CEP164: variants seen among roughly 807,000 people sequenced by gnomAD.
CEP164 encodes centrosomal protein of 164 kDa.
In CEP164, 162 loss-of-function variants were observed where a neutral mutation model predicts 182.7. That is an observed-to-expected ratio of 0.89 (90% CI 0.78 to 1.01). The LOEUF is 1.01. Among genes scored for constraint, CEP164 ranks in the 50% least tolerant of loss-of-function variants. The probability of loss-of-function intolerance (pLI) is 0.00; values close to 1 mark genes in which losing one functional copy is unlikely to be tolerated. For missense variants in CEP164, 1,735 were observed against 1,790.4 expected, an observed-to-expected ratio of 0.97 and a Z score of 0.56; for synonymous variants, 661 against 690.0, an observed-to-expected ratio of 0.96 and a Z score of 0.66.
chr11:117,346,556 CTATT>C (rs1182876366), intron 4 of CEP164, among the ~76,000 whole-genome samples: 3 of 151,266 alleles, frequency 2.0e-5, no homozygotes, highest in African/African-American at 7.3e-5. Flanking sequence ...CACGCCCGGC[CTATT>C]TTTCACTTTT....
Position 117,391,227 on chromosome 11 carries a change from A to C in CEP164, c.2283+12A>C. 1 of 1,597,630 alleles carries C rather than the reference A, an allele frequency of 6.3e-7. No individual in the cohort carries two copies. The highest frequency in any genetic ancestry group is 1.3e-5 in the African/African-American group (1 of 74,600). On this transcript the variant is annotated intron_variant, in intron 17 of 32. Coordinates refer to ENST00000278935, the MANE Select transcript of CEP164 (RefSeq NM_014956.5). ...GGGAGAGGAAAGAAGTGAGCTAGTC[A>C]AGTGGGGACCTCACCCTCTGACCTG...
chr11:117,361,948 G>A lies in CEP164; in HGVS notation c.507G>A (p.Leu169=), dbSNP rs777899286. 6.2e-7 allele frequency: 1 copy of A among 1,604,880 alleles called. No individual in the cohort carries two copies. The highest frequency in any genetic ancestry group is 8.5e-7 in the Non-Finnish European group (1 of 1,177,242). ...SALRGSQSVS[L]GSSVESGRQL... is the part of the protein sequence containing the mutation. ...TTCGTGGATCTCAAAGCGTGAGCCTGGGGAGCTCAGTGGAGTCTGGACGTC... is the reference window on the plus strand; with the variant it reads ...TTCGTGGATCTCAAAGCGTGAGCCTAGGGAGCTCAGTGGAGTCTGGACGTC... The change falls in exon 6 of 33, where the codon CTG becomes CTA. Residue 169 remains leucine (L), a synonymous_variant. Coordinates refer to ENST00000278935, the MANE Select transcript of CEP164 (RefSeq NM_014956.5).
intron 11 of CEP164, among the ~76,000 whole-genome samples, chr11:117,376,150 C>T (rs2042716135): frequency 6.6e-6 from 1 of 152,190 alleles, no homozygotes; most frequent in Admixed American, 6.5e-5. Flanking sequence ...TGCTCACCAG[C>T]TGGATCTGCT....
rs1436343987 is a variant in CEP164 at position 117,338,652 on chromosome 11, C to T, written c.66C>T (p.Tyr22=). The change falls in exon 3 of 33, where the codon TAC becomes TAT. Residue 22 remains tyrosine, a synonymous_variant. Coordinates refer to ENST00000278935, the MANE Select transcript of CEP164 (RefSeq NM_014956.5). Reference sequence around the variant, plus strand: ...TGGAAGAAGATTATGATGAGACCTACATTCCTAGTGAGCAAGGTAACAAGT... The same window carrying T: ...TGGAAGAAGATTATGATGAGACCTATATTCCTAGTGAGCAAGGTAACAAGT... ...LVLEEDYDET[Y]IPSEQEILEF... 1 of 1,613,572 alleles carries T rather than the reference C, an allele frequency of 6.2e-7. No homozygotes were observed. Among genetic ancestry groups the T allele is most frequent in the Non-Finnish European group, 8.5e-7 (1 of 1,179,480 alleles).
intron 23 of CEP164, 109 bp downstream of exon 23, chr11:117,395,300 C>A: frequency 7.4e-7 from 1 of 1,357,894 alleles, no homozygotes; most frequent in Non-Finnish European, 1.0e-6. Context: ...ACTGGGGTTC[C>A]AAACTCTGTT....
chr11:117,401,951 GT>G (rs1266672717), intron 27 of CEP164, among the ~76,000 whole-genome samples: 1 of 151,896 alleles, frequency 6.6e-6, no homozygotes, highest in Admixed American at 6.6e-5. Context: ...TTTTTAAAGG[GT>G]TTTTTGTGTC....
upstream of CEP164, among the ~76,000 whole-genome samples, chr11:117,326,032 T>TC (rs2035423430): frequency 6.8e-6 from 1 of 147,926 alleles, no homozygotes; most frequent in Admixed American, 6.8e-5. Flanking sequence ...TCTCTCAGCC[T>TC]CCCGAGTAGC....
chr11:117,377,604 G>A (rs955675638), intron 11 of CEP164, among the ~76,000 whole-genome samples: 11 of 152,190 alleles, frequency 7.2e-5, no homozygotes, highest in African/African-American at 2.7e-4. Flanking sequence ...TGTTCTTCCT[G>A]TGCGCTCTTG....
rs756108761 is a variant in CEP164, at chr11:117,390,919, G to A, written c.2066+11G>A. 2.5e-6 allele frequency: 4 copies of A among 1,613,746 alleles called. No individual in the cohort carries two copies. The highest frequency in any genetic ancestry group is 1.1e-5 in the South Asian group (1 of 91,062). On this transcript the variant is annotated intron_variant, in intron 16 of 32. Coordinates refer to ENST00000278935, the MANE Select transcript of CEP164 (RefSeq NM_014956.5). Reference sequence around the variant, plus strand: ...TGAGGACCAAATCAGGTAAGTGTGTGCTTACCTGTGAGCTGCCCAGCCCTG... The same window carrying A: ...TGAGGACCAAATCAGGTAAGTGTGTACTTACCTGTGAGCTGCCCAGCCCTG...
intron 5 of CEP164, chr11:117,355,285 G>A (rs1393594593): frequency 1.6e-6 from 2 of 1,289,802 alleles, no homozygotes; most frequent in African/African-American, 1.5e-5. Context: ...AAATCTACCT[G>A]GGGTTTTCAG....
chr11:117,381,563 A>G, intron 12 of CEP164, 138 bp from the exon 13 acceptor site: 2 of 1,050,794 alleles, frequency 1.9e-6, no homozygotes, highest in Non-Finnish European at 1.3e-6. Context: ...ATGGCTCTCC[A>G]TGGATGGATG....
rs142545580 is a variant in CEP164, at chr11:117,395,011, A to G, written c.2844+8A>G. 9.5e-5 allele frequency: 154 copies of G among 1,614,028 alleles called. No homozygotes were observed. In the African/African-American group the frequency reaches 1.7e-3, roughly 18 times the overall value. ...GCTCTGCTGGAGGTCCAGGTGAGGG[A>G]TCTGCAGGAGTCCTTGACCTCAGAG... On this transcript the variant is annotated splice_region_variant and intron_variant, in intron 22 of 32. Coordinates refer to ENST00000278935, the MANE Select transcript of CEP164 (RefSeq NM_014956.5).
chr11:117,369,933 T>G (rs1317201402), intron 8 of CEP164, among the ~76,000 whole-genome samples: 1 of 152,224 alleles, frequency 6.6e-6, no homozygotes, highest in African/African-American at 2.4e-5. Flanking sequence ...CTTAGCAGAT[T>G]GACAGCCTCC....
intron 10 of CEP164, among the ~76,000 whole-genome samples, chr11:117,374,930 G>A (rs1318475063): frequency 6.6e-6 from 1 of 152,214 alleles, no homozygotes; most frequent in African/African-American, 2.4e-5. Context: ...GCCCAGCAGG[G>A]ATCTTAGGCT....
intron 3 of CEP164, among the ~76,000 whole-genome samples, chr11:117,342,331 T>C (rs534792356): frequency 3.9e-5 from 6 of 152,252 alleles, no homozygotes; most frequent in Non-Finnish European, 8.8e-5. Context: ...GATTTTCCAC[T>C]GAGATGGCTC....
chr11:117,340,824 T>A (rs1372314659), intron 3 of CEP164, among the ~76,000 whole-genome samples: 1 of 152,004 alleles, frequency 6.6e-6, no homozygotes, highest in Non-Finnish European at 1.5e-5. Flanking sequence ...ACGACTGGCC[T>A]CTTTCTTTCT....
At chr11:117,322,007 T>C (rs1267079184) in intron 1 of CEP164, among the ~76,000 whole-genome samples, 1 of 152,208 alleles carries the variant, frequency 6.6e-6, no homozygotes, top group Non-Finnish European at 1.5e-5. Context: ...TGTTACTGTT[T>C]TTTGATTAAC....
At chr11:117,338,100 A>G (rs1347521409) in intron 2 of CEP164, among the ~76,000 whole-genome samples, 2 of 151,824 alleles carry the variant, frequency 1.3e-5, no homozygotes, top group Non-Finnish European at 2.9e-5. Context: ...CGTTCCCGCC[A>G]CTGGATTGTA....
At position 117,390,770 on chromosome 11, in the gene CEP164, A is replaced by T; in HGVS notation, c.1935-7A>T. The T allele has an allele frequency of 6.2e-7, 1 of 1,613,934 alleles. No individual in the cohort carries two copies. The highest frequency in any genetic ancestry group is 1.3e-5 in the African/African-American group (1 of 74,974). On this transcript the variant is annotated splice_region_variant and splice_polypyrimidine_tract_variant and intron_variant, in intron 15 of 32. Transcript: ENST00000278935. ...TCTGACAACCTAGCCTTTCCTTTCC[A>T]TCTCAGTTCCTTGAGGGAGCGGCTG... is the stretch of plus-strand genomic sequence containing the variant.
Sources: gnomAD v4.1 joint callset for allele counts (sites outside exome capture counted in the v4.1 genomes callset) on GRCh38, gnomAD v4.1.1 for gene constraint, MANE v1.5 for transcripts, NCBI Gene and HGNC (gene_info 2026-07-23, HGNC 2026-07-21) for gene names.